TSHZ1: variants seen among roughly 807,000 people sequenced by gnomAD.
TSHZ1 encodes teashirt homolog 1.
Under a neutral mutation model 67.1 loss-of-function variants are expected in TSHZ1, and 12 were observed. The ratio of observed to expected loss-of-function variants is 0.18; its 90% CI spans 0.11 to 0.29. The LOEUF (loss-of-function observed/expected upper bound fraction) is 0.29, where lower values mean the gene tolerates loss of function less well. TSHZ1 is among the 10% of genes least tolerant of loss of function. The pLI, the probability that TSHZ1 is intolerant of heterozygous loss-of-function variation, is 1.00. For synonymous variants in TSHZ1, 632 were observed against 622.4 expected (o/e 1.02, Z -0.23); for missense variants, 1,305 against 1,413.9 (o/e 0.92, Z 1.23).
At chr18:75,250,839 T>A (rs1321994223) in intron 1 of TSHZ1, among the ~76,000 whole-genome samples, 2 of 152,194 alleles carry the variant, frequency 1.3e-5, no homozygotes, top group Non-Finnish European at 2.9e-5. Context: ...ATTCCTTCGG[T>A]GCCTGTGGGA....
intron 1 of TSHZ1, among the ~76,000 whole-genome samples, chr18:75,271,457 C>T (rs1480054048): frequency 7.9e-5 from 12 of 152,186 alleles, no homozygotes; most frequent in Admixed American, 7.9e-4. Flanking sequence ...AATCCACTCA[C>T]CTGCAGAATT....
Position 75,286,247 on chromosome 18 carries a change from C to T in TSHZ1, c.840C>T (p.Ser280=), listed in dbSNP as rs573970992. Residue 280 remains serine, a synonymous_variant, in exon 2 of 2, where the codon TCC becomes TCT. Transcript: ENST00000580243. The surrounding 1 kb of genome is among the most constrained non-coding windows in gnomAD (Gnocchi z 5.1). The part of the protein sequence containing the change: ...HYRDDNRDKD[S]EKTKRWSKPR... ...GTGACGACAACAGGGACAAGGACTC[C>T]GAGAAGACCAAGAGGTGGTCCAAGC... 60 of 1,613,952 alleles carry T rather than the reference C, an allele frequency of 3.7e-5. No homozygotes were observed. In the Middle Eastern group the frequency reaches 5.0e-4, roughly 13 times the overall value.
intron 1 of TSHZ1, among the ~76,000 whole-genome samples, chr18:75,259,322 G>A (rs748589662): frequency 6.6e-6 from 1 of 152,076 alleles, no homozygotes; most frequent in Non-Finnish European, 1.5e-5. Context: ...TGCTTTCTAC[G>A]ATTTTACTCA....
intron 1 of TSHZ1, among the ~76,000 whole-genome samples, chr18:75,273,208 G>A (rs1030192385): frequency 2.4e-4 from 36 of 152,218 alleles, no homozygotes; most frequent in African/African-American, 8.0e-4. Context: ...ACAGAGCAGC[G>A]ATAACAGTGA....
chr18:75,287,449 C>G lies in TSHZ1; in HGVS notation c.2042C>G (p.Pro681Arg), dbSNP rs111787453. 6 of 1,614,050 alleles carry G rather than the reference C, an allele frequency of 3.7e-6. No homozygotes were observed. The African/African-American group carries it at 8.0e-5, about 22-fold the overall frequency. ...ATAGCAAAAGAGAATAAAGATTTCC[C>G]GAAAACGGAGGAAGTCAGCGGCAAA... Reference protein sequence around the residue: ...SPIAKENKDFPKTEEVSGKPQ... With the variant: ...SPIAKENKDFRKTEEVSGKPQ... The change falls in exon 2 of 2, where the codon CCG becomes CGG. Residue 681 changes from proline (P) to arginine (R), a missense_variant. By Grantham distance (103) the Pro-to-Arg change is moderately radical. Around this residue, in one of 3 missense-constraint regions of TSHZ1, gnomAD observed 909 missense variants for 961.8 expected, o/e 0.95. Transcript: ENST00000580243. The surrounding 1 kb of genome is among the most constrained non-coding windows in gnomAD (Gnocchi z 5.0).
In TSHZ1 at chr18:75,281,243, G is replaced by A. The variant is rs1358648272; in HGVS notation, c.41-4205G>A. Among the ~76,000 whole-genome samples, 1 of 152,192 alleles carries A rather than the reference G, an allele frequency of 6.6e-6. No homozygotes were observed. Among genetic ancestry groups the A allele is most frequent in the Non-Finnish European group, 1.5e-5 (1 of 68,028 alleles). On this transcript the variant is annotated intron_variant, in intron 1 of 1. Transcript: ENST00000580243. This position sits in a 1 kb window ranked among gnomAD's most constrained non-coding sequence, Gnocchi z 5.3. ...TGCGGGGGGCCAGTTTGGATGCGGGGCCTGAGGACCAGGAGGCTTTGAGGA... is the reference window on the plus strand; with the variant it reads ...TGCGGGGGGCCAGTTTGGATGCGGGACCTGAGGACCAGGAGGCTTTGAGGA...
At chr18:75,238,961 C>T (rs2023118682) in intron 1 of TSHZ1, among the ~76,000 whole-genome samples, 1 of 152,246 alleles carries the variant, frequency 6.6e-6, no homozygotes, top group Admixed American at 6.5e-5. Context: ...AATACCTGGC[C>T]TCACGCACTG....
At chr18:75,237,488 C>CTGTA (rs1347691252) in intron 1 of TSHZ1, among the ~76,000 whole-genome samples, 1 of 152,144 alleles carries the variant, frequency 6.6e-6, no homozygotes, top group East Asian at 1.9e-4. Flanking sequence ...TGCCACTGCA[C>CTGTA]TCTAGCCTGG....
intron 1 of TSHZ1, among the ~76,000 whole-genome samples, chr18:75,244,009 C>T (rs1289927406): frequency 6.6e-6 from 1 of 152,094 alleles, no homozygotes; most frequent in African/African-American, 2.4e-5. Flanking sequence ...ATACATAAAG[C>T]AATATTATGG....
intron 1 of TSHZ1, among the ~76,000 whole-genome samples, chr18:75,255,736 G>A (rs2023354856): frequency 6.6e-6 from 1 of 152,160 alleles, no homozygotes; most frequent in Non-Finnish European, 1.5e-5. Flanking sequence ...TTTGATTTCT[G>A]TTAAACACAA....
intron 1 of TSHZ1, among the ~76,000 whole-genome samples, chr18:75,226,199 G>T (rs1392986861): frequency 6.6e-6 from 1 of 152,194 alleles, no homozygotes; most frequent in Non-Finnish European, 1.5e-5. Flanking sequence ...GGAGGAAAAA[G>T]TATTTGGATG....
intron 1 of TSHZ1, among the ~76,000 whole-genome samples, chr18:75,261,004 G>A (rs1452028484): frequency 6.6e-6 from 1 of 151,996 alleles, no homozygotes; most frequent in Non-Finnish European, 1.5e-5. Context: ...GCCAGGAGGA[G>A]CATGGTGGGG....
intron 1 of TSHZ1, among the ~76,000 whole-genome samples, chr18:75,258,882 C>T (rs2023395854): frequency 6.6e-6 from 1 of 152,166 alleles, no homozygotes; most frequent in South Asian, 2.1e-4. Context: ...CTGCCATTTA[C>T]TCACATGTTC....
chr18:75,239,621 C>T (rs1025245617), intron 1 of TSHZ1, among the ~76,000 whole-genome samples: 20 of 152,166 alleles, frequency 1.3e-4, no homozygotes, highest in African/African-American at 4.3e-4. Context: ...CCACATCAGC[C>T]TCCCATGTAG....
chr18:75,218,923 T>C (rs534877723), intron 1 of TSHZ1, among the ~76,000 whole-genome samples: 1 of 137,770 alleles, frequency 7.3e-6, no homozygotes, highest in Non-Finnish European at 1.6e-5. Flanking sequence ...TGAACATGTA[T>C]ATTTTTTTTT....
intron 1 of TSHZ1, among the ~76,000 whole-genome samples, chr18:75,240,878 T>C (rs977985646): frequency 6.6e-6 from 1 of 152,176 alleles, no homozygotes; most frequent in African/African-American, 2.4e-5. Context: ...TTTTAACAGG[T>C]TTAAAAACCT....
At chr18:75,266,436 G>A (rs979865376) in intron 1 of TSHZ1, among the ~76,000 whole-genome samples, 2 of 152,166 alleles carry the variant, frequency 1.3e-5, no homozygotes, top group Admixed American at 6.5e-5. Flanking sequence ...AATGAGGCAG[G>A]AGATTCGAGG....
chr18:75,257,283 T>A (rs760239686), intron 1 of TSHZ1, among the ~76,000 whole-genome samples: 3 of 152,240 alleles, frequency 2.0e-5, no homozygotes, highest in Non-Finnish European at 2.9e-5. Context: ...AAAACCTTAA[T>A]GTATACAGAA....
chr18:75,273,325 G>A (rs1011819941), intron 1 of TSHZ1, among the ~76,000 whole-genome samples: 1 of 152,158 alleles, frequency 6.6e-6, no homozygotes, highest in East Asian at 1.9e-4. Context: ...ATGCAAGTTC[G>A]AGGAGAAAAC....
Sources: gnomAD v4.1 joint callset for allele counts (sites outside exome capture counted in the v4.1 genomes callset) on GRCh38, gnomAD v4.1.1 for gene constraint, gnomAD v4.1.1 regional missense constraint, Gnocchi (gnomAD v3.1) non-coding constraint, MANE v1.5 for transcripts, NCBI Gene and HGNC (gene_info 2026-07-23, HGNC 2026-07-21) for gene names.